Variants in LDB2 observed in about 807,000 individuals in gnomAD.
The protein encoded by LDB2 is LIM domain binding 2, also known as LIM domain-binding protein 2.
LDB2 carries 12 observed loss-of-function variants against 44.3 expected under a neutral mutation model. The ratio of observed to expected loss-of-function variants is 0.27; its 90% confidence interval spans 0.17 to 0.44. The LOEUF (loss-of-function observed/expected upper bound fraction) is 0.44, where lower values mean the gene tolerates loss of function less well. Among genes scored for constraint, LDB2 ranks in the 20% least tolerant of loss-of-function variants. LDB2 has a pLI of 1.00. For missense variants in LDB2, 344 were observed against 473.5 expected, an observed-to-expected ratio of 0.73 and a Z score of 2.54; for synonymous variants, 164 against 174.8, an observed-to-expected ratio of 0.94 and a Z score of 0.49.
chr4:16,812,718 A>G (rs1722459043), intron 1 of LDB2, among the ~76,000 whole-genome samples: 1 of 150,106 alleles, frequency 6.7e-6, no homozygotes, highest in African/African-American at 2.4e-5. Flanking sequence ...CTTTGGCTTT[A>G]GAAAATAAGT....
At chr4:16,871,355 A>G (rs2110344992) in intron 1 of LDB2, among the ~76,000 whole-genome samples, 1 of 152,318 alleles carries the variant, frequency 6.6e-6, no homozygotes, top group East Asian at 1.9e-4. Flanking sequence ...TTGACTGTGT[A>G]GATTTAAGAA....
intron 2 of LDB2, among the ~76,000 whole-genome samples, chr4:16,697,458 T>TC (rs938847875): frequency 1.3e-5 from 2 of 148,336 alleles, no homozygotes; most frequent in South Asian, 4.4e-4. Flanking sequence ...CAAGACTCCG[T>TC]CCCAAAAAAA....
rs148470286 is a variant in LDB2 at position 16,545,887 on chromosome 4, A to C, written c.616-33783T>G. ...GATGTAGATGGATAACATGACCACA[A>C]GAGTTAGGCCCCGAAGCAGATGATT... On this transcript the variant is annotated intron_variant, in intron 5 of 7. Transcript: ENST00000304523. 3.4e-4 allele frequency among the ~76,000 whole-genome samples: 52 copies of C among 152,314 alleles called. No homozygotes were observed. The East Asian group carries it at 8.1e-3, about 24-fold the overall frequency.
intron 2 of LDB2, among the ~76,000 whole-genome samples, chr4:16,743,926 A>G (rs1323266865): frequency 6.6e-6 from 1 of 152,200 alleles, no homozygotes; most frequent in African/African-American, 2.4e-5. Context: ...ATCGAAAACT[A>G]AAATACCTAT....
chr4:16,616,627 T>G (rs1268059451), intron 2 of LDB2, among the ~76,000 whole-genome samples: 1 of 151,998 alleles, frequency 6.6e-6, no homozygotes, highest in African/African-American at 2.4e-5. Flanking sequence ...AGAGAAACTG[T>G]GTTTCCTAAG....
intron 2 of LDB2, among the ~76,000 whole-genome samples, chr4:16,737,950 T>G (rs1306093510): frequency 2.0e-5 from 3 of 152,242 alleles, no homozygotes; most frequent in Non-Finnish European, 2.9e-5. Context: ...ACTTATCTGA[T>G]TCCAAATGAC....
At chr4:16,554,425 A>G (rs1210057492) in intron 5 of LDB2, among the ~76,000 whole-genome samples, 1 of 152,100 alleles carries the variant, frequency 6.6e-6, no homozygotes, top group East Asian at 1.9e-4. Flanking sequence ...CTTTTAATCT[A>G]CTGTGGAGGT....
At chr4:16,812,145 C>T (rs1302218853) in intron 1 of LDB2, among the ~76,000 whole-genome samples, 3 of 152,142 alleles carry the variant, frequency 2.0e-5, no homozygotes, top group Non-Finnish European at 4.4e-5. Flanking sequence ...ATTAGCAAAG[C>T]ATAGAGCTTC....
intron 3 of LDB2, among the ~76,000 whole-genome samples, chr4:16,594,232 T>C (rs772973474): frequency 6.6e-5 from 10 of 152,058 alleles, no homozygotes; most frequent in Non-Finnish European, 1.2e-4. Flanking sequence ...GCTAAGACTT[T>C]GTAACACTAG....
chr4:16,699,511 T>C (rs1361712069), intron 2 of LDB2, among the ~76,000 whole-genome samples: 1 of 152,202 alleles, frequency 6.6e-6, no homozygotes. Context: ...ATTGTGTAAT[T>C]AGGTATATGA....
chr4:16,874,796 A>C (rs1026631856), intron 1 of LDB2, among the ~76,000 whole-genome samples: 3 of 152,230 alleles, frequency 2.0e-5, no homozygotes, highest in Non-Finnish European at 4.4e-5. Flanking sequence ...GAACAATTCT[A>C]AACCATTAGA....
intron 1 of LDB2, among the ~76,000 whole-genome samples, chr4:16,833,269 GAT>G (rs1181233449): frequency 6.6e-6 from 1 of 152,132 alleles, no homozygotes; most frequent in Admixed American, 6.6e-5. Context: ...TTTAAGATGA[GAT>G]ATATGTCTAA....
At chr4:16,556,649 G>A (rs1200278977) in intron 5 of LDB2, among the ~76,000 whole-genome samples, 1 of 152,212 alleles carries the variant, frequency 6.6e-6, no homozygotes, top group Non-Finnish European at 1.5e-5. Context: ...ATGGTTTAAA[G>A]AGGGGTGAGA....
intron 2 of LDB2, among the ~76,000 whole-genome samples, chr4:16,691,441 T>C (rs1287814757): frequency 1.3e-5 from 2 of 152,206 alleles, no homozygotes; most frequent in Non-Finnish European, 2.9e-5. Flanking sequence ...AAATAAGGAC[T>C]ATGCACTATT....
chr4:16,676,546 G>A (rs1578697170), intron 2 of LDB2, among the ~76,000 whole-genome samples: 1 of 152,206 alleles, frequency 6.6e-6, no homozygotes, highest in Non-Finnish European at 1.5e-5. Flanking sequence ...ACACAGAAGA[G>A]GAAAAAAATC....
At chr4:16,601,728 T>A (rs1274050185) in intron 2 of LDB2, among the ~76,000 whole-genome samples, 1 of 152,130 alleles carries the variant, frequency 6.6e-6, no homozygotes, top group Non-Finnish European at 1.5e-5. Context: ...ATCTCAAAAA[T>A]CCAAATGGAA....
chr4:16,657,573 C>G (rs1368668773), intron 2 of LDB2, among the ~76,000 whole-genome samples: 1 of 152,170 alleles, frequency 6.6e-6, no homozygotes, highest in African/African-American at 2.4e-5. Context: ...ACAAAGCCTA[C>G]AAGGCCCTAC....
intron 7 of LDB2, 52 bp from the exon 8 acceptor site, chr4:16,502,925 C>T: frequency 1.9e-6 from 3 of 1,607,362 alleles, no homozygotes; most frequent in Non-Finnish European, 2.6e-6. Flanking sequence ...GAGAGAAGCT[C>T]AGCTTAAAAT....
intron 5 of LDB2, among the ~76,000 whole-genome samples, chr4:16,557,177 T>G (rs900786001): frequency 6.6e-6 from 1 of 152,296 alleles, no homozygotes; most frequent in East Asian, 1.9e-4. Flanking sequence ...TGCATTTTCA[T>G]CTGAGGTACC....
Sources: allele counts gnomAD v4.1 joint callset (sites outside exome capture counted in the v4.1 genomes callset), GRCh38; gene constraint gnomAD v4.1.1; transcripts MANE v1.5; gene names NCBI Gene and HGNC (gene_info 2026-07-23, HGNC 2026-07-21).